KDM2B: variants seen among roughly 807,000 people sequenced by gnomAD.
The protein encoded by KDM2B is lysine-specific demethylase 2B.
KDM2B carries 26 observed loss-of-function variants against 150.0 expected under a neutral mutation model. The observed-to-expected ratio is 0.17, with a 90% CI of 0.13 to 0.24. The LOEUF is 0.24. Ranked by LOEUF, KDM2B falls within the 10% of genes least tolerant of loss-of-function variation. The pLI is 1.00. For synonymous variants in KDM2B, 734 were observed against 729.5 expected (o/e 1.01, Z -0.10); for missense variants, 1,265 against 1,816.9 (o/e 0.70, Z 5.52).
At chr12:121,505,816 C>A (rs1373115056) in intron 11 of KDM2B, among the ~76,000 whole-genome samples, 1 of 152,128 alleles carries the variant, frequency 6.6e-6, no homozygotes, top group Non-Finnish European at 1.5e-5. Context: ...GGGAACTGGG[C>A]ATCGGCTATG....
intron 14 of KDM2B, 148 bp downstream of exon 14, chr12:121,445,127 G>A: frequency 1.1e-6 from 1 of 898,512 alleles, no homozygotes; most frequent in Admixed American, 2.5e-5. Flanking sequence ...CTTGCCCCGG[G>A]CTTATCCCTT....
chr12:121,416,957 G>A, the KDM2B span, among the ~76,000 whole-genome samples: 1 of 152,194 alleles, frequency 6.6e-6, no homozygotes, highest in South Asian at 2.1e-4. Flanking sequence ...GAGCAGAAAC[G>A]ACCACATCTT....
At position 121,549,700 on chromosome 12, in the gene KDM2B, G is replaced by A. The variant is rs1889334332; in HGVS notation, c.398-62C>T. 3 of 1,453,976 alleles carry A rather than the reference G, an allele frequency of 2.1e-6. No homozygotes were observed. Among genetic ancestry groups the A allele is most frequent in the Non-Finnish European group, 1.9e-6 (2 of 1,079,910 alleles). 90.1% of individuals were successfully genotyped at this position (1,453,976 alleles called of 1,614,324 possible). A position where few individuals can be genotyped will look rare whatever the true frequency, so the allele number is the denominator to read the frequency against. ...GCTTAAGGCTCCAGATCCTACATGG[G>A]AGCCCCTCACTAAACAAAAGCTGCT... On this transcript the variant is annotated intron_variant, in intron 4 of 22. Coordinates refer to ENST00000377071, the MANE Select transcript of KDM2B (RefSeq NM_032590.5). This position sits in a 1 kb window ranked among gnomAD's most constrained non-coding sequence, Gnocchi z 4.4.
rs1555317910 is a variant in KDM2B at position 121,580,885 on chromosome 12, A to G, written c.27T>C (p.Ser9=). Residue 9 remains serine (S), a synonymous_variant, in exon 1 of 23, where the codon TCT becomes TCC. Coordinates refer to ENST00000377071, the MANE Select transcript of KDM2B (RefSeq NM_032590.5). ...TTTTTCGTGGGGGGTGATCCTCTGC[A>G]GATCCCCCCATTTGCGGACCCGCCA... MAGPQMGG[S]AEDHPPRKRH... 6.2e-7 allele frequency: 1 copy of G among 1,613,876 alleles called. No homozygotes were observed. The highest frequency in any genetic ancestry group is 8.5e-7 in the Non-Finnish European group (1 of 1,179,882).
At chr12:121,574,623 G>A (rs782401566) in intron 3 of KDM2B, 30 bp from the exon 4 acceptor site, 3 of 1,610,454 alleles carry the variant, frequency 1.9e-6, no homozygotes, top group Non-Finnish European at 2.5e-6. Context: ...GACCTTTGGT[G>A]AGAGGCCAGA....
intron 4 of KDM2B, among the ~76,000 whole-genome samples, chr12:121,565,317 C>CT (rs879950091): frequency 4.4e-4 from 63 of 142,854 alleles, no homozygotes; most frequent in East Asian, 1.0e-3. Flanking sequence ...GGGGAAAGGA[C>CT]TTTTTTTTTT....
chr12:121,464,671 G>A (rs1053600995), intron 12 of KDM2B, among the ~76,000 whole-genome samples: 2 of 152,236 alleles, frequency 1.3e-5, no homozygotes, highest in African/African-American at 4.8e-5. Flanking sequence ...GCCTCCCTCC[G>A]ACGGGTCCTT....
rs782012272 is a variant in KDM2B at position 121,443,798 on chromosome 12, AG to A, written c.2452-6del. 3.4e-4 allele frequency: 528 copies of A among 1,539,056 alleles called. No individual in the cohort carries two copies. The highest frequency in any genetic ancestry group is 4.3e-4 in the Non-Finnish European group (485 of 1,127,394). On this transcript the variant is annotated splice_polypyrimidine_tract_variant and splice_region_variant and intron_variant, in intron 16 of 22. Coordinates refer to ENST00000377071, the MANE Select transcript of KDM2B (RefSeq NM_032590.5). The stretch of plus-strand genomic sequence containing the variant: ...GGACGTTTGAAGCGATGAGGCCTAA[AG>A]GGGGGTGGAGTGGGAAGAGGAGTGA...
chr12:121,437,785 G>A (rs1225548071), intron 22 of KDM2B, among the ~76,000 whole-genome samples: 1 of 152,174 alleles, frequency 6.6e-6, no homozygotes, highest in African/African-American at 2.4e-5. Context: ...CATGTCAACT[G>A]TCATCTATTT....
Position 121,528,730 on chromosome 12 carries a change from T to A in KDM2B, c.931+4076A>T, listed in dbSNP as rs868961304. Reference sequence around the variant, plus strand: ...CAACATGGTGAAACCCCATCTCTACTAAAAATACAAAAATTAGCCAGGCGT... The same window carrying A: ...CAACATGGTGAAACCCCATCTCTACAAAAAATACAAAAATTAGCCAGGCGT... On this transcript the variant is annotated intron_variant, in intron 8 of 22. Coordinates refer to ENST00000377071, the MANE Select transcript of KDM2B (RefSeq NM_032590.5). 3.3e-5 allele frequency among the ~76,000 whole-genome samples: 5 copies of A among 152,048 alleles called. No individual in the cohort carries two copies. The South Asian group carries it at 6.2e-4, about 19-fold the overall frequency.
intron 8 of KDM2B, among the ~76,000 whole-genome samples, chr12:121,525,445 T>G (rs1416491863): frequency 6.6e-6 from 1 of 152,100 alleles, no homozygotes; most frequent in Non-Finnish European, 1.5e-5. Context: ...GGTTTTACCA[T>G]GTTGGCCAAG....
rs782584685 is a variant in KDM2B at position 121,578,790 on chromosome 12, G to A, written c.271+12C>T. 3 of 1,518,200 alleles carry A rather than the reference G, an allele frequency of 2.0e-6. No individual in the cohort carries two copies. The highest frequency in any genetic ancestry group is 2.7e-6 in the Non-Finnish European group (3 of 1,124,982). 94.0% of individuals were successfully genotyped at this position (1,518,200 alleles called of 1,614,324 possible). A position where few individuals can be genotyped will look rare whatever the true frequency, so the allele number is the denominator to read the frequency against. The stretch of plus-strand genomic sequence containing the variant: ...GCAGCGCAGAGGGCGGCCCGGGGTG[G>A]GGGCGCCTCACCTTTGCCCTCCATG... On this transcript the variant is annotated intron_variant, in intron 2 of 22. Coordinates refer to ENST00000377071, the MANE Select transcript of KDM2B (RefSeq NM_032590.5).
chr12:121,578,385 G>C (rs1891661612), intron 2 of KDM2B, among the ~76,000 whole-genome samples: 1 of 152,200 alleles, frequency 6.6e-6, no homozygotes, highest in Admixed American at 6.5e-5. Context: ...TCGGGCCTGG[G>C]GGGCCTTACC....
chr12:121,508,623 CAA>C (rs2140853045), intron 11 of KDM2B, among the ~76,000 whole-genome samples: 1 of 152,290 alleles, frequency 6.6e-6, no homozygotes, highest in African/African-American at 2.4e-5. Context: ...AATGCTGAGA[CAA>C]GAGGCAGTTC....
chr12:121,517,625 T>C (rs1310046064), intron 9 of KDM2B, among the ~76,000 whole-genome samples: 1 of 151,946 alleles, frequency 6.6e-6, no homozygotes, highest in Non-Finnish European at 1.5e-5. Flanking sequence ...TGAACCACCA[T>C]GCCTGGCTAA....
chr12:121,565,956 T>C (rs1388595865), intron 4 of KDM2B, among the ~76,000 whole-genome samples: 5 of 150,360 alleles, frequency 3.3e-5, no homozygotes, highest in Non-Finnish European at 7.4e-5. Context: ...TTAATAATAA[T>C]AACAGTGCTG....
At position 121,520,959 on chromosome 12, in the gene KDM2B, G is replaced by A. The variant is rs781840832; in HGVS notation, c.1047+26C>T. 2.7e-5 allele frequency: 42 copies of A among 1,584,752 alleles called. No individual in the cohort carries two copies. Among genetic ancestry groups the A allele is most frequent in the East Asian group, 1.3e-4 (6 of 44,682 alleles). ...CAGAGCTCAGGGGCCAGGCGCGCAC[G>A]CGAGGACAGAAGGGAACCTCCTTAC... On this transcript the variant is annotated intron_variant, in intron 9 of 22. Transcript: ENST00000377071. The surrounding 1 kb of genome is among the most constrained non-coding windows in gnomAD (Gnocchi z 4.5).
chr12:121,415,166 C>A, the KDM2B span: 1 of 190,456 alleles, frequency 5.3e-6, no homozygotes, highest in Admixed American at 5.1e-5. Flanking sequence ...ACATTAAAAT[C>A]TATTCTGGTT....
At chr12:121,507,524 G>C (rs148890756) in intron 11 of KDM2B, among the ~76,000 whole-genome samples, 98 of 152,274 alleles carry the variant, frequency 6.4e-4, no homozygotes, top group African/African-American at 2.3e-3. Flanking sequence ...CGCTGCTTGC[G>C]CTTTTTCTAA....
Sources: gnomAD v4.1 joint callset for allele counts (sites outside exome capture counted in the v4.1 genomes callset) on GRCh38, gnomAD v4.1.1 for gene constraint, Gnocchi (gnomAD v3.1) non-coding constraint, MANE v1.5 for transcripts, NCBI Gene and HGNC (gene_info 2026-07-23, HGNC 2026-07-21) for gene names.